PDE10A: variants seen among roughly 807,000 people sequenced by gnomAD.
The protein encoded by PDE10A is phosphodiesterase 10A.
Under a neutral mutation model 97.7 loss-of-function variants are expected in PDE10A, and 39 were observed. That is an observed-to-expected ratio of 0.40 (90% CI 0.31 to 0.52). The LOEUF (loss-of-function observed/expected upper bound fraction) is 0.52. PDE10A is among the 20% of genes least tolerant of loss of function. PDE10A has a pLI of 0.56. For synonymous variants in PDE10A, 371 were observed against 376.8 expected, an observed-to-expected ratio of 0.98 and a Z score of 0.18; for missense variants, 731 against 1,047.8, an observed-to-expected ratio of 0.70 and a Z score of 4.17.
chr6:165,513,098 T>C (rs1272154140), intron 2 of PDE10A, among the ~76,000 whole-genome samples: 1 of 152,200 alleles, frequency 6.6e-6, no homozygotes, highest in South Asian at 2.1e-4. Context: ...TTTTGGACTG[T>C]GCTTTTGGTG....
chr6:165,643,473 A>C (rs1789244142), intron 1 of PDE10A, among the ~76,000 whole-genome samples: 1 of 152,008 alleles, frequency 6.6e-6, no homozygotes, highest in African/African-American at 2.4e-5. Flanking sequence ...TACCCCAGAG[A>C]TTTTTACATG....
chr6:165,899,733 G>T (rs1233536735), intron 1 of PDE10A, among the ~76,000 whole-genome samples: 1 of 152,224 alleles, frequency 6.6e-6, no homozygotes, highest in Non-Finnish European at 1.5e-5. Context: ...GCTGTACCAG[G>T]TGCTGCGTCC....
chr6:165,459,391 T>A (rs1778157681), intron 3 of PDE10A, among the ~76,000 whole-genome samples: 1 of 152,098 alleles, frequency 6.6e-6, no homozygotes, highest in South Asian at 2.1e-4. Context: ...AATCAGCCAT[T>A]TCTAATTCAA....
chr6:165,648,179 A>AT, intron 1 of PDE10A, among the ~76,000 whole-genome samples: 1 of 151,886 alleles, frequency 6.6e-6, no homozygotes, highest in Non-Finnish European at 1.5e-5. Context: ...CGCCCAGCTA[A>AT]TTTTTTGTAT....
rs186891970 is a variant in PDE10A, at chr6:165,862,058, G to T, written c.-615+125471C>A. Reference sequence around the variant, plus strand: ...TCTCCTTCCAGCAGCCACTGTGGTGGGGCCAGGACGCCTGCGCTCCCCTAC... The same window carrying T: ...TCTCCTTCCAGCAGCCACTGTGGTGTGGCCAGGACGCCTGCGCTCCCCTAC... On this transcript the variant is annotated intron_variant, in intron 1 of 19. Coordinates refer to the PDE10A transcript ENST00000366882. Among the ~76,000 whole-genome samples the T allele has an allele frequency of 6.8e-4, 103 of 152,244 alleles. 4 individuals are homozygous for T. In the East Asian group the frequency reaches 0.019, roughly 27 times the overall value.
chr6:165,371,018 T>A (rs1257889124), intron 18 of PDE10A, among the ~76,000 whole-genome samples: 1 of 130,902 alleles, frequency 7.6e-6, no homozygotes, highest in Non-Finnish European at 1.6e-5. Flanking sequence ...ATAAAGATGT[T>A]CTCTGAAACC....
At chr6:165,785,787 G>A (rs765237714) in intron 1 of PDE10A, among the ~76,000 whole-genome samples, 4 of 152,148 alleles carry the variant, frequency 2.6e-5, no homozygotes, top group African/African-American at 7.2e-5. Context: ...TGTTAGCATC[G>A]CCTGGGAACT....
intron 2 of PDE10A, among the ~76,000 whole-genome samples, chr6:165,525,144 T>A (rs1782356712): frequency 6.6e-6 from 1 of 152,146 alleles, no homozygotes. Context: ...CCCCTAGAGG[T>A]AAAGTTGAGA....
At chr6:165,663,831 A>G (rs1218469634), upstream of PDE10A, among the ~76,000 whole-genome samples, 1 of 152,202 alleles carries the variant, frequency 6.6e-6, no homozygotes, top group East Asian at 1.9e-4. Flanking sequence ...GCCTTGCCAT[A>G]TGCGGCTCTC....
intron 12 of PDE10A, among the ~76,000 whole-genome samples, chr6:165,415,768 G>A (rs917019620): frequency 6.6e-6 from 1 of 152,150 alleles, no homozygotes; most frequent in Non-Finnish European, 1.5e-5. Context: ...GCTAAGAAAT[G>A]ACAGAACCGT....
At chr6:165,829,176 G>A (rs1779839639) in intron 1 of PDE10A, among the ~76,000 whole-genome samples, 2 of 152,184 alleles carry the variant, frequency 1.3e-5, no homozygotes, top group Non-Finnish European at 1.5e-5. Context: ...CCCTAAGGAT[G>A]CTCTCCAGCG....
At chr6:165,805,091 G>A (rs1309686722) in intron 1 of PDE10A, among the ~76,000 whole-genome samples, 5 of 150,090 alleles carry the variant, frequency 3.3e-5, no homozygotes, top group African/African-American at 4.9e-5. Context: ...AGGGGCAGCG[G>A]GGCCTGGGGT....
chr6:165,615,828 C>A (rs563404583), intron 1 of PDE10A, among the ~76,000 whole-genome samples: 6 of 152,264 alleles, frequency 3.9e-5, no homozygotes, highest in Non-Finnish European at 8.8e-5. Flanking sequence ...TGCCTGTGGT[C>A]ACTTTCATTT....
rs146576794 is a variant in PDE10A, at chr6:165,395,060, T to C, written c.2303+121A>G. ...TTGGAATATTTAGGAAAAAAAGTAA[T>C]TTATACATGCAGTATTTAAAAATAA... is the stretch of plus-strand genomic sequence containing the variant. On this transcript the variant is annotated intron_variant, in intron 15 of 21. Coordinates refer to ENST00000539869, the MANE Select transcript of PDE10A (RefSeq NM_001385079.1). 1.6e-3 allele frequency: 935 copies of C among 571,654 alleles called. 4 individuals are homozygous for C. The highest frequency in any genetic ancestry group is 0.016 in the African/African-American group (823 of 52,134). The allele number at this position is 571,654 out of a possible 1,614,324, so 35.4% of individuals were successfully genotyped here. A position where few individuals can be genotyped will look rare whatever the true frequency, so the allele number is the denominator to read the frequency against.
chr6:165,882,296 G>A (rs2461717), intron 1 of PDE10A, among the ~76,000 whole-genome samples: 117,096 of 152,206 alleles, frequency 0.77, 45,276 homozygotes, highest in East Asian at 0.96. Flanking sequence ...GTTCCCCAAG[G>A]ACATCTCTGT....
chr6:165,812,763 A>C (rs1405752069), intron 1 of PDE10A, among the ~76,000 whole-genome samples: 1 of 152,194 alleles, frequency 6.6e-6, no homozygotes, highest in East Asian at 1.9e-4. Context: ...CTTTATTTGC[A>C]TGTCTACTCT....
intron 17 of PDE10A, among the ~76,000 whole-genome samples, chr6:165,383,121 G>T (rs1179387200): frequency 6.6e-6 from 1 of 152,008 alleles, no homozygotes; most frequent in Non-Finnish European, 1.5e-5. Context: ...TCTGAAATAT[G>T]ATCACATTTC....
chr6:165,482,393 T>C, intron 2 of PDE10A, 50 bp from the exon 3 acceptor site: 2 of 1,392,848 alleles, frequency 1.4e-6, no homozygotes, highest in Non-Finnish European at 2.0e-6. Context: ...ACTGAGTAGG[T>C]TTTAAAATAC....
intron 1 of PDE10A, among the ~76,000 whole-genome samples, chr6:165,773,603 C>A (rs1778078770): frequency 6.6e-6 from 1 of 152,080 alleles, no homozygotes; most frequent in Non-Finnish European, 1.5e-5. Context: ...AAAATAAAGA[C>A]AAACAAGGCC....
Sources: gnomAD v4.1 joint callset for allele counts (sites outside exome capture counted in the v4.1 genomes callset) on GRCh38, gnomAD v4.1.1 for gene constraint, MANE v1.5 for transcripts, NCBI Gene and HGNC (gene_info 2026-07-23, HGNC 2026-07-21) for gene names.